Variants in SLC4A4 observed in about 807,000 individuals in gnomAD.
The protein encoded by SLC4A4 is electrogenic sodium bicarbonate cotransporter 1.
SLC4A4 carries 27 observed loss-of-function variants against 111.5 expected under a neutral mutation model. The ratio of observed to expected loss-of-function variants is 0.24; its 90% confidence interval spans 0.18 to 0.33. SLC4A4 has a LOEUF of 0.33. Ranked by LOEUF, SLC4A4 falls within the 10% of genes least tolerant of loss-of-function variation. The pLI, the probability that SLC4A4 is intolerant of heterozygous loss-of-function variation, is 1.00. For missense variants in SLC4A4, 909 were observed against 1,315.5 expected (o/e 0.69, Z 4.78); for synonymous variants, 443 against 463.4 (o/e 0.96, Z 0.57).
At position 71,465,053 on chromosome 4, in the gene SLC4A4, A is replaced by G. The variant is rs553561333; in HGVS notation, c.1498-1391A>G. Among the ~76,000 whole-genome samples, 6 of 152,222 alleles carry G rather than the reference A, an allele frequency of 3.9e-5. No homozygotes were observed. In the South Asian group the frequency reaches 1.0e-3, roughly 26 times the overall value. On this transcript the variant is annotated intron_variant, in intron 12 of 25. Transcript: ENST00000264485. ...CTGACAGATGGATAGGTTAACTCGG[A>G]GGTTGAGGGTCACAGGAAATGACTG... is the stretch of plus-strand genomic sequence containing the variant.
At position 71,230,302 on chromosome 4, in the gene SLC4A4, T is replaced by G. The variant is rs555231735; in HGVS notation, c.-1-6274T>G. Among the ~76,000 whole-genome samples the G allele has an allele frequency of 4.6e-5, 7 of 152,362 alleles. No homozygotes were observed. The South Asian group carries it at 1.4e-3, about 32-fold the overall frequency. ...CCAAGTAACAGGCCTGCTTTTGAAC[T>G]CTGAGACTGCAGTCCTCAAGTAAAG... On this transcript the variant is annotated intron_variant, in intron 1 of 25. Transcript: ENST00000264485.
At chr4:71,543,863 T>C (rs1469417038) in intron 18 of SLC4A4, among the ~76,000 whole-genome samples, 2 of 151,238 alleles carry the variant, frequency 1.3e-5, no homozygotes, top group Non-Finnish European at 2.9e-5. Context: ...TCCCCACAAA[T>C]GTTTCTCATG....
At chr4:71,326,848 A>G (rs544031858) in intron 3 of SLC4A4, among the ~76,000 whole-genome samples, 9 of 152,084 alleles carry the variant, frequency 5.9e-5, no homozygotes, top group Non-Finnish European at 1.0e-4. Flanking sequence ...TTTAACAACC[A>G]TGATATCTAC....
chr4:71,542,482 C>T (rs1383486142), intron 18 of SLC4A4, among the ~76,000 whole-genome samples: 2 of 152,070 alleles, frequency 1.3e-5, no homozygotes, highest in African/African-American at 4.8e-5. Flanking sequence ...ATTCCAAAGC[C>T]TTTAGCAAAA....
intron 2 of SLC4A4, among the ~76,000 whole-genome samples, chr4:71,251,258 G>A (rs531845986): frequency 6.6e-6 from 1 of 152,172 alleles, no homozygotes; most frequent in Non-Finnish European, 1.5e-5. Context: ...TGGCTCCAGA[G>A]TTACTAAGTG....
At chr4:71,380,859 T>C (rs1718070680) in intron 6 of SLC4A4, among the ~76,000 whole-genome samples, 3 of 152,194 alleles carry the variant, frequency 2.0e-5, no homozygotes, top group African/African-American at 2.4e-5. Flanking sequence ...GATGCTGCTC[T>C]TGTCTGCTCA....
chr4:71,097,891 G>T (rs1742604295), intron 2 of SLC4A4, among the ~76,000 whole-genome samples: 1 of 151,822 alleles, frequency 6.6e-6, no homozygotes, highest in Admixed American at 6.6e-5. Context: ...TCGTATATTT[G>T]TTTCTTTCTT....
chr4:71,514,799 T>A (rs1010553690), intron 16 of SLC4A4, among the ~76,000 whole-genome samples: 1 of 152,218 alleles, frequency 6.6e-6, no homozygotes, highest in Admixed American at 6.5e-5. Context: ...TAATAGTCTC[T>A]CACGATCTTT....
At chr4:71,507,006 C>G (rs1731479324) in intron 16 of SLC4A4, among the ~76,000 whole-genome samples, 1 of 151,892 alleles carries the variant, frequency 6.6e-6, no homozygotes, top group Non-Finnish European at 1.5e-5. Context: ...GCTTCATAAG[C>G]AAAGGAGAAA....
chr4:71,477,267 T>A (rs1221844545), intron 14 of SLC4A4, among the ~76,000 whole-genome samples: 1 of 151,784 alleles, frequency 6.6e-6, no homozygotes, highest in East Asian at 1.9e-4. Context: ...GCAAAATAGT[T>A]TGGCACCTAA....
intron 2 of SLC4A4, among the ~76,000 whole-genome samples, chr4:71,101,457 G>A (rs1346799103): frequency 6.6e-6 from 1 of 152,126 alleles, no homozygotes; most frequent in Admixed American, 6.6e-5. Flanking sequence ...TTACTGTTGT[G>A]TAATAATTAC....
intron 3 of SLC4A4, among the ~76,000 whole-genome samples, chr4:71,317,169 A>T (rs1363705068): frequency 1.3e-5 from 2 of 152,008 alleles, no homozygotes; most frequent in African/African-American, 4.8e-5. Context: ...GCTTAGGCAC[A>T]TGCAACTCTA....
chr4:71,473,218 A>G (rs1350137756), intron 14 of SLC4A4: 1 of 636,346 alleles, frequency 1.6e-6, no homozygotes, highest in African/African-American at 1.8e-5. Context: ...AAATTAACTC[A>G]AACTGTGGGA....
chr4:71,355,602 G>A (rs995585962), intron 5 of SLC4A4, among the ~76,000 whole-genome samples: 1 of 152,232 alleles, frequency 6.6e-6, no homozygotes, highest in African/African-American at 2.4e-5. Context: ...TGTGAGGCAT[G>A]TGATGGAAAA....
intron 2 of SLC4A4, among the ~76,000 whole-genome samples, chr4:71,107,532 T>C (rs374536601): frequency 6.6e-6 from 1 of 152,032 alleles, no homozygotes. Flanking sequence ...CATTTTTTAG[T>C]AGAGACGGGG....
intron 6 of SLC4A4, 136 bp downstream of exon 6, chr4:71,357,323 T>A (rs1335678135): frequency 2.3e-6 from 2 of 862,424 alleles, no homozygotes; most frequent in Non-Finnish European, 3.7e-6. Context: ...TCATTTCATA[T>A]TGACATTTTT....
chr4:71,090,261 T>A (rs1473570680), intron 1 of SLC4A4, among the ~76,000 whole-genome samples: 1 of 152,122 alleles, frequency 6.6e-6, no homozygotes, highest in Non-Finnish European at 1.5e-5. Flanking sequence ...AGTATTAGGG[T>A]GGGAGTGACC....
intron 7 of SLC4A4, among the ~76,000 whole-genome samples, chr4:71,418,673 A>G (rs1722040343): frequency 6.6e-6 from 1 of 152,226 alleles, no homozygotes; most frequent in Non-Finnish European, 1.5e-5. Context: ...AAACAAAAAT[A>G]TGTTTCTAGT....
chr4:71,421,825 A>G (rs1270782588), intron 7 of SLC4A4, among the ~76,000 whole-genome samples: 1 of 152,166 alleles, frequency 6.6e-6, no homozygotes, highest in African/African-American at 2.4e-5. Flanking sequence ...TCTCTGGGAC[A>G]CATTCAAAGC....
Sources: gnomAD v4.1 joint callset for allele counts (sites outside exome capture counted in the v4.1 genomes callset) on GRCh38, gnomAD v4.1.1 for gene constraint, MANE v1.5 for transcripts, NCBI Gene and HGNC (gene_info 2026-07-23, HGNC 2026-07-21) for gene names.